SNRK: variants seen among roughly 807,000 people sequenced by gnomAD.
SNRK encodes the protein SNF related kinase.
Under a neutral mutation model 48.2 loss-of-function variants are expected in SNRK, and 3 were observed. That is an observed-to-expected ratio of 0.06 (90% CI 0.03 to 0.16). SNRK has a LOEUF of 0.16. Ranked by LOEUF, SNRK falls within the 10% of genes least tolerant of loss-of-function variation. The pLI is 1.00. For synonymous variants in SNRK, 376 were observed against 366.1 expected (o/e 1.03, Z -0.31); for missense variants, 627 against 976.0 (o/e 0.64, Z 4.76).
chr3:43,344,056 G>A (rs2091256939), intron 6 of SNRK, among the ~76,000 whole-genome samples: 1 of 152,136 alleles, frequency 6.6e-6, no homozygotes, highest in Admixed American at 6.5e-5. Context: ...ACCTCATGGG[G>A]TTGTGGAGAG....
At position 43,340,775 on chromosome 3, in the gene SNRK, C is replaced by T. The variant is rs6804791; in HGVS notation, c.944+276C>T. ...ATTCTATAGGGGTGGAATGAAACAGCTTGTTTTGTATCCCAGTATGTACCT... is the reference window on the plus strand; with the variant it reads ...ATTCTATAGGGGTGGAATGAAACAGTTTGTTTTGTATCCCAGTATGTACCT... On this transcript the variant is annotated intron_variant, in intron 5 of 6. Coordinates refer to ENST00000296088, the MANE Select transcript of SNRK (RefSeq NM_017719.5). The T allele has an allele frequency of 5.7e-4, 248 of 431,674 alleles. 1 individual carries two copies. The highest frequency in any genetic ancestry group is 4.5e-3 in the African/African-American group (230 of 50,590). 26.7% of individuals were successfully genotyped at this position (431,674 alleles called of 1,614,324 possible).
At chr3:43,326,908 T>A (rs891167961) in intron 3 of SNRK, among the ~76,000 whole-genome samples, 8 of 152,220 alleles carry the variant, frequency 5.3e-5, no homozygotes, top group Non-Finnish European at 1.2e-4. Context: ...AACATTTCCC[T>A]GTTAAATAAT....
At chr3:43,332,738 A>G (rs998070215) in intron 4 of SNRK, 3 of 152,994 alleles carry the variant, frequency 2.0e-5, no homozygotes, top group Admixed American at 2.0e-4. Flanking sequence ...CCATCAACAC[A>G]CTATTTTAGG....
chr3:43,304,411 A>G lies in SNRK; in HGVS notation c.589+619A>G, dbSNP rs140338659. Among the ~76,000 whole-genome samples, 797 of 152,288 alleles carry G rather than the reference A, an allele frequency of 5.2e-3. 3 individuals carry two copies. The highest frequency in any genetic ancestry group is 8.6e-3 in the Non-Finnish European group (582 of 68,036). ...AAACTGACATACAGAGGCTTTCTGT[A>G]TGGTGGATTCTGGAATTGTGGTACC... On this transcript the variant is annotated intron_variant, in intron 3 of 6. Transcript: ENST00000296088.
intron 3 of SNRK, among the ~76,000 whole-genome samples, chr3:43,304,738 A>G (rs1460976332): frequency 6.6e-6 from 1 of 152,132 alleles, no homozygotes; most frequent in Non-Finnish European, 1.5e-5. Flanking sequence ...TTTGAAATGC[A>G]GGTTAAAGGA....
At chr3:43,302,211 G>GA (rs1173864374) in intron 2 of SNRK, among the ~76,000 whole-genome samples, 2 of 152,014 alleles carry the variant, frequency 1.3e-5, no homozygotes, top group Non-Finnish European at 2.9e-5. Context: ...CATATACCTA[G>GA]AACCCCCTCA....
Position 43,348,626 on chromosome 3 carries a change from C to T in SNRK, c.*69C>T. 7.1e-7 allele frequency: 1 copy of T among 1,412,562 alleles called. No individual in the cohort carries two copies. The highest frequency in any genetic ancestry group is 1.7e-5 in the South Asian group (1 of 59,726). The allele number at this position is 1,412,562 out of a possible 1,614,324, so 87.5% of individuals were successfully genotyped here. ...GTGAAGACCGGCTCACTTCACTGTT[C>T]CATTTGGTTTTACTATTTTAAAGTG... is the stretch of plus-strand genomic sequence containing the variant. On this transcript the variant is annotated 3_prime_UTR_variant, in exon 7 of 7. Transcript: ENST00000296088.
At chr3:43,341,668 C>T (rs1313807099) in intron 5 of SNRK, among the ~76,000 whole-genome samples, 2 of 152,136 alleles carry the variant, frequency 1.3e-5, no homozygotes, top group African/African-American at 4.8e-5. Context: ...AAAAGGGGCT[C>T]CCATCAGGAG....
intron 3 of SNRK, among the ~76,000 whole-genome samples, chr3:43,307,277 A>G (rs2090945033): frequency 1.3e-5 from 2 of 152,202 alleles, no homozygotes; most frequent in African/African-American, 4.8e-5. Context: ...ATACTCCTTG[A>G]TACATATTGC....
chr3:43,300,693 A>G (rs1486718813), intron 2 of SNRK, among the ~76,000 whole-genome samples: 1 of 151,870 alleles, frequency 6.6e-6, no homozygotes, highest in African/African-American at 2.4e-5. Flanking sequence ...AAATAAAGCA[A>G]GGTCTTTCAA....
Position 43,321,387 on chromosome 3 carries a change from A to G in SNRK, c.590-10782A>G, listed in dbSNP as rs547282525. 9.9e-5 allele frequency among the ~76,000 whole-genome samples: 15 copies of G among 152,256 alleles called. No homozygotes were observed. In the East Asian group the frequency reaches 2.9e-3, roughly 29 times the overall value. On this transcript the variant is annotated intron_variant, in intron 3 of 6. Coordinates refer to ENST00000296088, the MANE Select transcript of SNRK (RefSeq NM_017719.5). ...AATCTTACCAATTAGAGGACTGCCT[A>G]TTGATCATTTACCAGTTTTTGAGTT...
At chr3:43,345,091 T>C (rs749565251) in intron 6 of SNRK, among the ~76,000 whole-genome samples, 1 of 152,156 alleles carries the variant, frequency 6.6e-6, no homozygotes, top group Non-Finnish European at 1.5e-5. Context: ...CCTGTCTCTA[T>C]AAAAATTAAA....
At chr3:43,292,759 C>T (rs1173799976) in intron 1 of SNRK, among the ~76,000 whole-genome samples, 2 of 152,218 alleles carry the variant, frequency 1.3e-5, no homozygotes, top group African/African-American at 2.4e-5. Flanking sequence ...TGCACCAGTC[C>T]TTGGTGAGCC....
chr3:43,327,345 C>G (rs1027987814), intron 3 of SNRK, among the ~76,000 whole-genome samples: 4 of 152,168 alleles, frequency 2.6e-5, no homozygotes. Context: ...AGTGTTAGGT[C>G]ATATGTCAGT....
intron 3 of SNRK, among the ~76,000 whole-genome samples, chr3:43,319,657 T>G (rs1575545827): frequency 6.6e-6 from 1 of 152,320 alleles, no homozygotes; most frequent in Admixed American, 6.5e-5. Context: ...CATGTGTTTG[T>G]TTATATTTTG....
chr3:43,343,205 T>C (rs2091250671), intron 5 of SNRK, 139 bp from the exon 6 acceptor site: 1 of 1,189,246 alleles, frequency 8.4e-7, no homozygotes, highest in Non-Finnish European at 1.1e-6. Context: ...TTGGTTTTTT[T>C]CTGGTTTGCA....
In SNRK at chr3:43,349,729, A is replaced by G. The variant is rs918041993; in HGVS notation, c.*1172A>G. On this transcript the variant is annotated 3_prime_UTR_variant, in exon 7 of 7. Coordinates refer to ENST00000296088, the MANE Select transcript of SNRK (RefSeq NM_017719.5). The stretch of plus-strand genomic sequence containing the variant: ...AATCAAAGAACTCTTGCTTTAACCT[A>G]TTCCTGTACAAAGACTGTTTTTGAC... The G allele has an allele frequency of 6.6e-6, 1 of 152,206 alleles. No homozygotes were observed. 9.4% of individuals were successfully genotyped at this position (152,206 alleles called of 1,614,324 possible).
At chr3:43,314,326 A>G (rs1043012276) in intron 3 of SNRK, among the ~76,000 whole-genome samples, 7 of 152,242 alleles carry the variant, frequency 4.6e-5, no homozygotes, top group African/African-American at 1.7e-4. Flanking sequence ...AAAATCCAGT[A>G]TGCATTTAAA....
intron 2 of SNRK, among the ~76,000 whole-genome samples, chr3:43,301,260 G>A (rs1206647541): frequency 6.6e-6 from 1 of 152,096 alleles, no homozygotes; most frequent in African/African-American, 2.4e-5. Flanking sequence ...TTTCTGAAGT[G>A]GTATAAATAT....
Sources: allele counts gnomAD v4.1 joint callset (sites outside exome capture counted in the v4.1 genomes callset), GRCh38; gene constraint gnomAD v4.1.1; transcripts MANE v1.5; gene names NCBI Gene and HGNC (gene_info 2026-07-23, HGNC 2026-07-21).